ACOX3: variants seen among roughly 807,000 people sequenced by gnomAD.
ACOX3 encodes the protein acyl-CoA oxidase 3, pristanoyl, also known as peroxisomal acyl-coenzyme A oxidase 3.
A neutral mutation model predicts 81.5 loss-of-function variants in ACOX3; 73 were observed. The observed-to-expected ratio is 0.90, with a 90% CI of 0.74 to 1.09. ACOX3 has a LOEUF of 1.09. Among genes scored for constraint, ACOX3 ranks in the 50% least tolerant of loss-of-function variants. ACOX3 has a pLI of 0.00. For synonymous variants in ACOX3, 387 were observed against 375.1 expected (o/e 1.03, Z -0.37); for missense variants, 947 against 928.0 (o/e 1.02, Z -0.27).
Position 8,399,578 on chromosome 4 carries a change from C to T in ACOX3, c.851G>A (p.Gly284Asp), listed in dbSNP as rs1489272765. Residue 284 changes from glycine (G) to aspartate (D), a missense_variant, in exon 8 of 18, where the codon GGC (glycine) becomes GAC (aspartate). Gly to Asp is a moderately conservative substitution (Grantham distance 94). Transcript: ENST00000356406. This position sits in a 1 kb window ranked among gnomAD's most constrained non-coding sequence, Gnocchi z 4.9. Reference sequence around the variant, plus strand: ...TACCTTAAAGGGGCTGACATAGGTGCCCTCGGGGGTGACGTCTCCCATCCG... The same window carrying T: ...TACCTTAAAGGGGCTGACATAGGTGTCCTCGGGGGTGACGTCTCCCATCCG... Reference protein sequence around the residue: ...LNRMGDVTPEGTYVSPFKDVR... With the variant: ...LNRMGDVTPEDTYVSPFKDVR... 2 of 1,614,072 alleles carry T rather than the reference C, an allele frequency of 1.2e-6. No homozygotes were observed. The highest frequency in any genetic ancestry group is 8.5e-7 in the Non-Finnish European group (1 of 1,179,950).
intron 1 of ACOX3, among the ~76,000 whole-genome samples, chr4:8,418,259 C>T (rs1045188734): frequency 6.6e-6 from 1 of 151,964 alleles, no homozygotes; most frequent in Admixed American, 6.6e-5. Flanking sequence ...ATGCAAAAAT[C>T]CTGAATGAAA....
At chr4:8,373,354 G>A (rs1215567334) in intron 16 of ACOX3, among the ~76,000 whole-genome samples, 1 of 152,094 alleles carries the variant, frequency 6.6e-6, no homozygotes, top group Non-Finnish European at 1.5e-5. Context: ...AAGGCGGTGT[G>A]TGTCAGCTCT....
At position 8,389,593 on chromosome 4, in the gene ACOX3, G is replaced by C; in HGVS notation, c.1423+19C>G. Reference sequence around the variant, plus strand: ...CAGTTGGGTTCCAGCGCCCCCACCAGTGTGCAGCAGAGCCTCACCGTGGAC... The same window carrying C: ...CAGTTGGGTTCCAGCGCCCCCACCACTGTGCAGCAGAGCCTCACCGTGGAC... On this transcript the variant is annotated intron_variant, in intron 12 of 17. Coordinates refer to ENST00000356406, the MANE Select transcript of ACOX3 (RefSeq NM_003501.3). The surrounding 1 kb of genome is among the most constrained non-coding windows in gnomAD (Gnocchi z 5.3). 1 of 1,613,386 alleles carries C rather than the reference G, an allele frequency of 6.2e-7. No homozygotes were observed. The highest frequency in any genetic ancestry group is 8.5e-7 in the Non-Finnish European group (1 of 1,179,942).
chr4:8,359,809 C>G, the ACOX3 span, among the ~76,000 whole-genome samples: 3 of 152,182 alleles, frequency 2.0e-5, no homozygotes, highest in Non-Finnish European at 2.9e-5. The surrounding 1 kb of genome is among the most constrained non-coding windows in gnomAD (Gnocchi z 6.0). Context: ...TCTGTGCAAA[C>G]TGGTTGAATA....
intron 8 of ACOX3, 148 bp from the exon 9 acceptor site, chr4:8,397,267 A>C: frequency 1.4e-6 from 1 of 717,498 alleles, no homozygotes; most frequent in Non-Finnish European, 2.1e-6. Flanking sequence ...CGCCCAAGAC[A>C]CAGGACGGTG....
At position 8,437,951 on chromosome 4, in the gene ACOX3, G is replaced by A. The variant is rs1292831748; in HGVS notation, c.-15+2697C>T. ...AAAGCAGCAGGATTCTGCCATATCT[G>A]GATTCCAATTTCTCACTGATGGCTA... is the stretch of plus-strand genomic sequence containing the variant. On this transcript the variant is annotated intron_variant, in intron 1 of 17. Coordinates refer to ENST00000356406, the MANE Select transcript of ACOX3 (RefSeq NM_003501.3). The surrounding 1 kb of genome is among the most constrained non-coding windows in gnomAD (Gnocchi z 5.2). Among the ~76,000 whole-genome samples, 1 of 152,172 alleles carries A rather than the reference G, an allele frequency of 6.6e-6. No individual in the cohort carries two copies. Among genetic ancestry groups the A allele is most frequent in the Non-Finnish European group, 1.5e-5 (1 of 68,036 alleles).
chr4:8,399,222 C>A lies in ACOX3; in HGVS notation c.873+334G>T, dbSNP rs1202784153. On this transcript the variant is annotated intron_variant, in intron 8 of 17. Coordinates refer to ENST00000356406, the MANE Select transcript of ACOX3 (RefSeq NM_003501.3). The surrounding 1 kb of genome is among the most constrained non-coding windows in gnomAD (Gnocchi z 4.9). ...CCGGGGAACTCTGTTTGTCGTCCCC[C>A]TTTGTGGACAGTTCGCCAGGAGACC... 6.6e-6 allele frequency among the ~76,000 whole-genome samples: 1 copy of A among 152,196 alleles called. No homozygotes were observed. The highest frequency in any genetic ancestry group is 1.9e-4 in the East Asian group (1 of 5,194).
chr4:8,435,549 C>G (rs563826695), intron 1 of ACOX3, among the ~76,000 whole-genome samples: 1 of 151,896 alleles, frequency 6.6e-6, no homozygotes, highest in African/African-American at 2.4e-5. Context: ...GATGGCCCAC[C>G]GAAGGAACTA....
At chr4:8,439,467 G>A (rs1316030246) in intron 1 of ACOX3, among the ~76,000 whole-genome samples, 2 of 152,200 alleles carry the variant, frequency 1.3e-5, no homozygotes, top group Non-Finnish European at 1.5e-5. Flanking sequence ...CAATGGCCTT[G>A]AGAAGCAAAA....
At chr4:8,376,469 G>A (rs959862911) in intron 14 of ACOX3, among the ~76,000 whole-genome samples, 2 of 152,158 alleles carry the variant, frequency 1.3e-5, no homozygotes, top group Non-Finnish European at 2.9e-5. Context: ...AATCTTCCCA[G>A]AACACAGCAG....
chr4:8,379,068 G>A (rs1373491566), intron 14 of ACOX3, among the ~76,000 whole-genome samples: 4 of 152,216 alleles, frequency 2.6e-5, no homozygotes, highest in African/African-American at 4.8e-5. Context: ...GGTGTTCTCC[G>A]TCGGCGACAT....
intron 7 of ACOX3, among the ~76,000 whole-genome samples, chr4:8,402,580 C>T (rs1487045755): frequency 1.2e-4 from 19 of 152,298 alleles, no homozygotes; most frequent in Admixed American, 6.5e-4. Context: ...AAAACATTCC[C>T]GTGAGTTTCA....
In ACOX3 at chr4:8,431,291, T is replaced by G. The variant is rs1723937450; in HGVS notation, c.-15+9357A>C. 6.6e-6 allele frequency among the ~76,000 whole-genome samples: 1 copy of G among 152,236 alleles called. No homozygotes were observed. The highest frequency in any genetic ancestry group is 6.5e-5 in the Admixed American group (1 of 15,288). ...CCTGACTTCACTCTCTCCATTTAGT[T>G]TCCCAGATTGGCATCTGCAGGTCAG... On this transcript the variant is annotated intron_variant, in intron 1 of 17. Coordinates refer to ENST00000356406, the MANE Select transcript of ACOX3 (RefSeq NM_003501.3). The surrounding 1 kb of genome is among the most constrained non-coding windows in gnomAD (Gnocchi z 5.3).
intron 6 of ACOX3, among the ~76,000 whole-genome samples, chr4:8,408,891 T>TGGGGGGGGGGGGGGGGGGGG (rs200811549): frequency 1.2e-4 from 3 of 25,790 alleles, no homozygotes; most frequent in Non-Finnish European, 1.9e-4. Flanking sequence ...GAGCCCTCAC[T>TGGGGGGGGGGGGGGGGGGGG]GGGGGGGGGG....
At chr4:8,390,212 C>T (rs910117314) in intron 11 of ACOX3, among the ~76,000 whole-genome samples, 11 of 151,664 alleles carry the variant, frequency 7.3e-5, no homozygotes, top group East Asian at 1.9e-4. Context: ...CATAGTGGCA[C>T]GCACCTTTAG....
At chr4:8,393,637 GCACA>G (rs10576121) in intron 10 of ACOX3, among the ~76,000 whole-genome samples, 49,395 of 144,548 alleles carry the variant, frequency 0.34, 8,719 homozygotes, top group South Asian at 0.47. Context: ...ACACACACAC[GCACA>G]CACACACACA....
At chr4:8,438,380 C>T (rs756989410) in intron 1 of ACOX3, among the ~76,000 whole-genome samples, 2 of 152,308 alleles carry the variant, frequency 1.3e-5, no homozygotes, top group East Asian at 1.9e-4. Context: ...ACTGGACACT[C>T]GAGCAGCTAC....
chr4:8,362,594 G>C (rs1304856274), downstream of ACOX3, among the ~76,000 whole-genome samples: 1 of 152,208 alleles, frequency 6.6e-6, no homozygotes, highest in Non-Finnish European at 1.5e-5. Context: ...TTGCATTAAG[G>C]AATCAAACTT....
rs779504968 is a variant in ACOX3 at position 8,406,033 on chromosome 4, G to A, written c.698C>T (p.Pro233Leu). The change falls in exon 7 of 18, where the codon CCG becomes CTG. Residue 233 changes from proline to leucine, a missense_variant. Transcript: ENST00000356406. This position sits in a 1 kb window ranked among gnomAD's most constrained non-coding sequence, Gnocchi z 5.6. ...TCCAGGCATGGGAAGAAGGGTCTTC[G>A]GGTCCCGGATCTATACAAAGCCACA... is the stretch of plus-strand genomic sequence containing the variant. ...LHPFIVQIRD[P>L]KTLLPMPGVM... 1.5e-5 allele frequency: 24 copies of A among 1,613,884 alleles called. No individual in the cohort carries two copies. The highest frequency in any genetic ancestry group is 6.7e-5 in the East Asian group (3 of 44,892).
Sources: gnomAD v4.1 joint callset for allele counts (sites outside exome capture counted in the v4.1 genomes callset) on GRCh38, gnomAD v4.1.1 for gene constraint, Gnocchi (gnomAD v3.1) non-coding constraint, MANE v1.5 for transcripts, NCBI Gene and HGNC (gene_info 2026-07-23, HGNC 2026-07-21) for gene names.